The following SORCS1 variants were observed in gnomAD, a reference collection of about 807,000 sequenced individuals.
SORCS1 encodes the protein sortilin related VPS10 domain containing receptor 1.
Under a neutral mutation model 146.1 loss-of-function variants are expected in SORCS1, and 60 were observed. The observed-to-expected ratio is 0.41, with a 90% confidence interval of 0.33 to 0.51. The LOEUF (loss-of-function observed/expected upper bound fraction) is 0.51. SORCS1 is among the 20% of genes least tolerant of loss of function. The pLI, the probability that SORCS1 is intolerant of heterozygous loss-of-function variation, is 0.21. For missense variants in SORCS1, 1,352 were observed against 1,487.6 expected, an observed-to-expected ratio of 0.91 and a Z score of 1.50; for synonymous variants, 637 against 584.0, an observed-to-expected ratio of 1.09 and a Z score of -1.31.
intron 10 of SORCS1, among the ~76,000 whole-genome samples, chr10:106,682,021 G>A (rs1483090974): frequency 1.3e-5 from 2 of 152,104 alleles, no homozygotes; most frequent in South Asian, 2.1e-4. Context: ...CCAGCTACTC[G>A]GGAGGCTGAG....
At chr10:106,865,672 C>G (rs1950199387) in intron 2 of SORCS1, among the ~76,000 whole-genome samples, 1 of 149,052 alleles carries the variant, frequency 6.7e-6, no homozygotes, top group Admixed American at 6.7e-5. Context: ...TGCAGTGAGC[C>G]AAGATTGTGC....
intron 1 of SORCS1, among the ~76,000 whole-genome samples, chr10:106,957,608 C>T (rs531913186): frequency 2.0e-5 from 3 of 152,190 alleles, no homozygotes; most frequent in East Asian, 1.9e-4. Context: ...AGCATTTTAA[C>T]GAGCAAATCT....
intron 5 of SORCS1, among the ~76,000 whole-genome samples, chr10:106,751,597 C>T (rs570745762): frequency 7.2e-5 from 11 of 152,212 alleles, no homozygotes; most frequent in Admixed American, 5.9e-4. Context: ...TAATAAATAG[C>T]CTAGTGCATG....
intron 5 of SORCS1, among the ~76,000 whole-genome samples, chr10:106,743,414 A>G (rs1030850868): frequency 3.3e-5 from 5 of 151,982 alleles, no homozygotes; most frequent in African/African-American, 1.2e-4. Flanking sequence ...TATTATTATC[A>G]TTATTTGTAT....
At chr10:107,111,533 TA>T (rs1281610204) in intron 1 of SORCS1, among the ~76,000 whole-genome samples, 3 of 151,958 alleles carry the variant, frequency 2.0e-5, no homozygotes, top group African/African-American at 4.8e-5. Flanking sequence ...ACCAAAAAGA[TA>T]AAAAGATTTT....
rs35816216 is a variant in SORCS1 at position 106,943,651 on chromosome 10, CA to C, written c.626+12861del. On this transcript the variant is annotated intron_variant, in intron 2 of 25. Coordinates refer to ENST00000263054, the MANE Select transcript of SORCS1 (RefSeq NM_052918.5). ...TGAAACCCCATCTCTACTAAAAATA[CA>C]AAAAAAAAATAGCCGGGCATGGTGG... is the stretch of plus-strand genomic sequence containing the variant. 2.3e-4 allele frequency among the ~76,000 whole-genome samples: 34 copies of C among 148,132 alleles called. 1 individual carries two copies. Among genetic ancestry groups the C allele is most frequent in the African/African-American group, 6.5e-4 (26 of 40,288 alleles).
At chr10:106,790,200 G>C (rs1301942159) in intron 3 of SORCS1, among the ~76,000 whole-genome samples, 1 of 152,128 alleles carries the variant, frequency 6.6e-6, no homozygotes, top group African/African-American at 2.4e-5. Context: ...TGTAACATCA[G>C]AGATTTGTTC....
rs201933927 is a variant in SORCS1, at chr10:106,620,459, G to C, written c.2765C>G (p.Thr922Ser). The C allele has an allele frequency of 2.6e-5, 42 of 1,613,984 alleles. No individual in the cohort carries two copies. In the East Asian group the frequency reaches 8.9e-4, roughly 34 times the overall value. Residue 922 changes from threonine to serine, a missense_variant, in exon 20 of 26, where the codon ACT becomes AGT. Thr to Ser is a moderately conservative substitution (Grantham distance 58, BLOSUM62 1). Transcript: ENST00000263054. ...GTTGTTTCCGTACCACCACACGTAA[G>C]TGAGGGTGCCCACTTGGCTGGGCCA... ...VLWPSQVGTL[T>S]YVWWYGNNTE...
chr10:106,709,005 C>T (rs1854747952), intron 7 of SORCS1, among the ~76,000 whole-genome samples: 1 of 152,074 alleles, frequency 6.6e-6, no homozygotes, highest in African/African-American at 2.4e-5. Context: ...TGGACACAGC[C>T]CAAAGAAATT....
intron 10 of SORCS1, among the ~76,000 whole-genome samples, chr10:106,682,960 A>G (rs1852553160): frequency 6.6e-6 from 1 of 152,186 alleles, no homozygotes. Flanking sequence ...ACATAGTCAC[A>G]GGCCATGGCA....
chr10:106,703,910 C>T, intron 8 of SORCS1, among the ~76,000 whole-genome samples: 2 of 152,184 alleles, frequency 1.3e-5, no homozygotes, highest in East Asian at 3.8e-4. Flanking sequence ...TTTCTGGGAA[C>T]AAGCTAAATT....
chr10:106,723,505 C>G (rs1176935393), intron 6 of SORCS1, among the ~76,000 whole-genome samples: 1 of 152,208 alleles, frequency 6.6e-6, no homozygotes, highest in African/African-American at 2.4e-5. Context: ...TAATAAATGC[C>G]ACATCCAATA....
chr10:106,870,362 A>G (rs72827213), intron 2 of SORCS1, among the ~76,000 whole-genome samples: 1,577 of 152,336 alleles, frequency 0.01, 10 homozygotes, highest in Non-Finnish European at 0.016. Flanking sequence ...GAATCAAAAA[A>G]GGGGCTCAAA....
chr10:106,934,041 T>C (rs12775489), intron 2 of SORCS1, among the ~76,000 whole-genome samples: 4 of 140,796 alleles, frequency 2.8e-5, no homozygotes, highest in Non-Finnish European at 4.5e-5. Context: ...TTGCAGTGAG[T>C]CGAGATCACA....
At chr10:106,723,373 T>A (rs1303451510) in intron 6 of SORCS1, among the ~76,000 whole-genome samples, 1 of 148,126 alleles carries the variant, frequency 6.8e-6, no homozygotes, top group Non-Finnish European at 1.5e-5. Flanking sequence ...TTTAGTATTT[T>A]AATGTACTGG....
At chr10:107,111,758 G>T (rs928103285) in intron 1 of SORCS1, among the ~76,000 whole-genome samples, 1 of 152,036 alleles carries the variant, frequency 6.6e-6, no homozygotes, top group African/African-American at 2.4e-5. Flanking sequence ...ACCTAAAGAA[G>T]AAACTCCAGG....
At chr10:107,152,580 A>G (rs1037147493) in intron 1 of SORCS1, among the ~76,000 whole-genome samples, 1 of 152,104 alleles carries the variant, frequency 6.6e-6, no homozygotes, top group Admixed American at 6.5e-5. Context: ...ATAGTGAGTG[A>G]GCTCTCATGG....
chr10:107,030,751 T>A (rs1016661663), intron 1 of SORCS1, among the ~76,000 whole-genome samples: 1 of 152,212 alleles, frequency 6.6e-6, no homozygotes, highest in East Asian at 1.9e-4. Flanking sequence ...AGTTTAAAAC[T>A]GAAAAGATTT....
At chr10:107,115,492 T>C (rs943113613) in intron 1 of SORCS1, among the ~76,000 whole-genome samples, 1 of 151,994 alleles carries the variant, frequency 6.6e-6, no homozygotes, top group Admixed American at 6.6e-5. Context: ...GTGCCAAGAA[T>C]ATACGGTGAG....
Sources: gnomAD v4.1 joint callset for allele counts (sites outside exome capture counted in the v4.1 genomes callset) on GRCh38, gnomAD v4.1.1 for gene constraint, MANE v1.5 for transcripts, NCBI Gene and HGNC (gene_info 2026-07-23, HGNC 2026-07-21) for gene names.